CTNNA3: variants seen among roughly 807,000 people sequenced by gnomAD.
The protein encoded by CTNNA3 is catenin alpha 3, also known as catenin alpha-3.
A neutral mutation model predicts 95.7 loss-of-function variants in CTNNA3; 76 were observed. That is an observed-to-expected ratio of 0.79 (90% confidence interval 0.66 to 0.96). The LOEUF is 0.96. Among genes scored for constraint, CTNNA3 ranks in the 40% least tolerant of loss-of-function variants. CTNNA3 has a pLI of 0.00. For synonymous variants in CTNNA3, 431 were observed against 374.4 expected, an observed-to-expected ratio of 1.15 and a Z score of -1.74; for missense variants, 1,191 against 1,089.8, an observed-to-expected ratio of 1.09 and a Z score of -1.31.
chr10:66,836,670 C>T (rs1303178060), intron 7 of CTNNA3, among the ~76,000 whole-genome samples: 1 of 152,018 alleles, frequency 6.6e-6, no homozygotes, highest in Admixed American at 6.6e-5. Context: ...TGGCATGTAG[C>T]GAATAACCCA....
At chr10:67,620,138 C>T (rs776494654) in intron 2 of CTNNA3, among the ~76,000 whole-genome samples, 2 of 152,232 alleles carry the variant, frequency 1.3e-5, no homozygotes, top group African/African-American at 4.8e-5. Context: ...GCTGGGACTT[C>T]GAATCTGAAG....
At chr10:67,203,020 T>A (rs1301883620) in intron 6 of CTNNA3, among the ~76,000 whole-genome samples, 1 of 152,082 alleles carries the variant, frequency 6.6e-6, no homozygotes, top group Non-Finnish European at 1.5e-5. Flanking sequence ...TAAAACTAAC[T>A]CCAAAAAAAG....
Position 67,665,733 on chromosome 10 carries a change from G to C in CTNNA3, c.-5-18215C>G, listed in dbSNP as rs553191123. On this transcript the variant is annotated intron_variant, in intron 1 of 17. Coordinates refer to ENST00000433211, the MANE Select transcript of CTNNA3 (RefSeq NM_013266.4). ...AGGACACAGTGGCCCAAGCAAGAAG[G>C]GGGGATGGGTGCTCTTAAAGCAACA... 3.3e-5 allele frequency: 5 copies of C among 152,272 alleles called. No individual in the cohort carries two copies. The East Asian group carries it at 7.7e-4, about 23-fold the overall frequency. The allele number at this position is 152,272 out of a possible 1,614,324, so 9.4% of individuals were successfully genotyped here. A position where few individuals can be genotyped will look rare whatever the true frequency, so the allele number is the denominator to read the frequency against.
chr10:67,347,832 G>GGA (rs1554825561), intron 5 of CTNNA3, among the ~76,000 whole-genome samples: 14 of 133,902 alleles, frequency 1.0e-4, no homozygotes, highest in Admixed American at 6.1e-4. Context: ...GTGTTTTCCT[G>GGA]AAAAAAAAAA....
At chr10:67,352,487 T>G (rs1314624423) in intron 5 of CTNNA3, among the ~76,000 whole-genome samples, 2 of 151,836 alleles carry the variant, frequency 1.3e-5, no homozygotes, top group Non-Finnish European at 2.9e-5. Context: ...CCAAGTAGTA[T>G]TATTCCTTAC....
At chr10:66,253,691 G>A (rs1409757744) in intron 13 of CTNNA3, among the ~76,000 whole-genome samples, 2 of 152,088 alleles carry the variant, frequency 1.3e-5, no homozygotes, top group South Asian at 4.1e-4. Context: ...TCTTTGTGGT[G>A]TATGCATGTG....
chr10:66,158,454 T>C (rs1435093343), intron 13 of CTNNA3, among the ~76,000 whole-genome samples: 1 of 151,936 alleles, frequency 6.6e-6, no homozygotes, highest in East Asian at 1.9e-4. Flanking sequence ...CAAAGATCAG[T>C]TGGCTGTATT....
intron 1 of CTNNA3, among the ~76,000 whole-genome samples, chr10:67,742,493 T>C (rs143340933): frequency 4.0e-5 from 6 of 150,860 alleles, no homozygotes; most frequent in African/African-American, 1.2e-4. Flanking sequence ...CTGGGACACA[T>C]TCAAGGCAGT....
intron 9 of CTNNA3, among the ~76,000 whole-genome samples, chr10:66,687,138 C>A (rs1036171216): frequency 6.6e-6 from 1 of 151,426 alleles, no homozygotes; most frequent in Non-Finnish European, 1.5e-5. Context: ...TGAGTATGTA[C>A]CAACTAAGAA....
intron 9 of CTNNA3, among the ~76,000 whole-genome samples, chr10:66,756,728 G>T (rs747989182): frequency 6.6e-6 from 1 of 152,030 alleles, no homozygotes; most frequent in Non-Finnish European, 1.5e-5. Context: ...CTACAGGAAA[G>T]AAAGCTGGGA....
chr10:66,801,310 A>C (rs907720639), intron 7 of CTNNA3, among the ~76,000 whole-genome samples: 1 of 151,470 alleles, frequency 6.6e-6, no homozygotes, highest in African/African-American at 2.4e-5. Context: ...ACAATAAATT[A>C]TATTTTTATA....
chr10:67,228,640 A>C (rs988434913), intron 5 of CTNNA3, among the ~76,000 whole-genome samples: 1 of 152,088 alleles, frequency 6.6e-6, no homozygotes. Flanking sequence ...GAAACAGGAG[A>C]TATTACAACT....
chr10:66,837,990 C>T (rs1842935970), intron 7 of CTNNA3, among the ~76,000 whole-genome samples: 1 of 152,056 alleles, frequency 6.6e-6, no homozygotes, highest in Non-Finnish European at 1.5e-5. Flanking sequence ...AGTGACGGTA[C>T]AGGTCTAAAT....
chr10:67,490,165 A>C lies in CTNNA3; in HGVS notation c.579+31677T>G, dbSNP rs79966294. 6.0e-3 allele frequency among the ~76,000 whole-genome samples: 910 copies of C among 152,280 alleles called. 21 individuals carry two copies. The East Asian group carries it at 0.069, about 12-fold the overall frequency. On this transcript the variant is annotated intron_variant, in intron 5 of 17. Coordinates refer to ENST00000433211, the MANE Select transcript of CTNNA3 (RefSeq NM_013266.4). ...TCATCTTCTATTTCTCTTAATGTTAAGCACTTTGTTTCTTAAATTGATGCT... is the reference window on the plus strand; with the variant it reads ...TCATCTTCTATTTCTCTTAATGTTACGCACTTTGTTTCTTAAATTGATGCT...
rs138731385 is a variant in CTNNA3 at position 67,517,952 on chromosome 10, A to G, written c.579+3890T>C. On this transcript the variant is annotated intron_variant, in intron 5 of 17. Coordinates refer to ENST00000433211, the MANE Select transcript of CTNNA3 (RefSeq NM_013266.4). ...CTATTTAAGAAAATGGCTTATGAGA[A>G]TAACAGAAAACATATAATAGCTACC... Among the ~76,000 whole-genome samples, 3 of 152,308 alleles carry G rather than the reference A, an allele frequency of 2.0e-5. No individual in the cohort carries two copies. The East Asian group carries it at 5.8e-4, about 29-fold the overall frequency.
chr10:67,242,704 C>T lies in CTNNA3; in HGVS notation c.580-22834G>A, dbSNP rs555675667. Among the ~76,000 whole-genome samples the T allele has an allele frequency of 9.2e-5, 14 of 152,206 alleles. No homozygotes were observed. The South Asian group carries it at 2.9e-3, about 32-fold the overall frequency. On this transcript the variant is annotated intron_variant, in intron 5 of 17. Transcript: ENST00000433211. ...ATATGTGCCTGACCTTGGAAGACCT[C>T]GGAAAGATAGGAAATGCATGTCTCC...
chr10:66,959,712 A>G (rs1849013856), intron 7 of CTNNA3, among the ~76,000 whole-genome samples: 1 of 151,962 alleles, frequency 6.6e-6, no homozygotes. Flanking sequence ...TGCAATCTCT[A>G]ATTTCTTAAG....
chr10:67,610,715 C>G (rs563442673), intron 2 of CTNNA3, among the ~76,000 whole-genome samples: 1 of 152,246 alleles, frequency 6.6e-6, no homozygotes, highest in East Asian at 1.9e-4. Flanking sequence ...ATCCTGTGTC[C>G]TCATTTTCTT....
intron 7 of CTNNA3, among the ~76,000 whole-genome samples, chr10:67,071,389 T>C (rs953300644): frequency 2.0e-5 from 3 of 151,868 alleles, no homozygotes; most frequent in Non-Finnish European, 4.4e-5. Context: ...GATATATTTG[T>C]ATTAGTTACA....
Sources: gnomAD v4.1 joint callset for allele counts (sites outside exome capture counted in the v4.1 genomes callset) on GRCh38, gnomAD v4.1.1 for gene constraint, MANE v1.5 for transcripts, NCBI Gene and HGNC (gene_info 2026-07-23, HGNC 2026-07-21) for gene names.